The following PTRH1 variants were observed in gnomAD, a reference collection of about 807,000 sequenced individuals.
The protein encoded by PTRH1 is peptidyl-tRNA hydrolase 1 homolog.
In PTRH1, 13 loss-of-function variants were observed where a neutral mutation model predicts 15.7. The observed-to-expected ratio is 0.83, with a 90% CI of 0.54 to 1.31. PTRH1 has a LOEUF of 1.31. PTRH1 is among the 40% of genes most tolerant of loss of function. The pLI is 0.00. For missense variants in PTRH1, 319 were observed against 296.2 expected (o/e 1.08, Z -0.56); for synonymous variants, 139 against 136.7 (o/e 1.02, Z -0.12).
downstream of PTRH1, chr9:127,709,406 T>TCTGCCC: frequency 1.9e-6 from 3 of 1,611,044 alleles, no homozygotes; most frequent in Non-Finnish European, 2.5e-6. The surrounding 1 kb of genome is among the most constrained non-coding windows in gnomAD (Gnocchi z 4.7). Flanking sequence ...GGACCACGGC[T>TCTGCCC]CTGCCCCTGC....
chr9:127,707,314 G>A, intron 1 of PTRH1: 1 of 1,034,680 alleles, frequency 9.7e-7, no homozygotes, highest in Non-Finnish European at 1.4e-6. Flanking sequence ...GGGATGTCCA[G>A]ACCCCATCCC....
Position 127,715,105 on chromosome 9 carries a change from C to G in PTRH1, c.186G>C (p.Val62=), listed in dbSNP as rs1371708888. The change falls in exon 2 of 5, where the codon GTG becomes GTC. Residue 62 remains valine, a synonymous_variant. Transcript: ENST00000543175. This position sits in a 1 kb window ranked among gnomAD's most constrained non-coding sequence, Gnocchi z 5.8. The part of the protein sequence containing the change: ...VLGQLARRLG[V]AESWTRDRHC... ...GCCGGTCGCGCGTCCAACTCTCCGC[C>G]ACACCCAGCCGCCGCGCCAGCTGCC... 6.5e-7 allele frequency: 1 copy of G among 1,533,792 alleles called. No individual in the cohort carries two copies. The highest frequency in any genetic ancestry group is 8.7e-7 in the Non-Finnish European group (1 of 1,145,892).
chr9:127,703,601 G>A (rs530707182), intron 1 of PTRH1, among the ~76,000 whole-genome samples: 11 of 152,294 alleles, frequency 7.2e-5, no homozygotes, highest in African/African-American at 2.4e-4. Context: ...AGTCCCCTCG[G>A]CAGAGTGACA....
In PTRH1 at chr9:127,715,018, T is replaced by C; in HGVS notation, c.273A>G (p.Pro91=). The part of the protein sequence containing the change: ...LGDAQLVLLR[P]RRLMNANGRS... ...GCCCGTTGGCGTTCATAAGCCGCCG[T>C]GGCCGGAGCAGGACCAGTTGGGCAT... is the stretch of plus-strand genomic sequence containing the variant. Residue 91 remains proline, a synonymous_variant, in exon 2 of 5, where the codon CCA becomes CCG. Coordinates refer to ENST00000543175, the MANE Select transcript of PTRH1 (RefSeq NM_001002913.3). This position sits in a 1 kb window ranked among gnomAD's most constrained non-coding sequence, Gnocchi z 5.8. 1 of 1,419,402 alleles carries C rather than the reference T, an allele frequency of 7.0e-7. No homozygotes were observed. The highest frequency in any genetic ancestry group is 9.3e-7 in the Non-Finnish European group (1 of 1,079,272). 87.9% of individuals were successfully genotyped at this position (1,419,402 alleles called of 1,614,324 possible). A position where few individuals can be genotyped will look rare whatever the true frequency, so the allele number is the denominator to read the frequency against.
intron 2 of PTRH1, 32 bp from the exon 3 acceptor site, chr9:127,714,734 T>C (rs779499897): frequency 1.9e-6 from 3 of 1,543,780 alleles, no homozygotes; most frequent in Admixed American, 1.8e-5. Flanking sequence ...CCCTGGTTAC[T>C]GCCCATCTGC....
rs1421612735 is a variant in PTRH1 at position 127,707,100 on chromosome 9, G to A, written c.205+8335C>T. 3.7e-6 allele frequency: 6 copies of A among 1,613,846 alleles called. No individual in the cohort carries two copies. In the Admixed American group the frequency reaches 5.0e-5, roughly 13 times the overall value. ...AAGTCAAGAAGAAAGGGGGCAAGAA[G>A]GAGCCGGTGGTGGCCGTGGAGCCGC... is the stretch of plus-strand genomic sequence containing the variant. On this transcript the variant is annotated intron_variant, in intron 1 of 2. Coordinates refer to the PTRH1 transcript ENST00000335223.
rs1185521118 is a variant in PTRH1 at position 127,695,131 on chromosome 9, C to T, written c.216G>A (p.Trp72Ter). 1.4e-6 allele frequency: 1 copy of T among 697,200 alleles called. No individual in the cohort carries two copies. Among genetic ancestry groups the T allele is most frequent in the Non-Finnish European group, 2.6e-6 (1 of 380,782 alleles). The allele number at this position is 697,200 out of a possible 1,614,324, so 43.2% of individuals were successfully genotyped here. A position where few individuals can be genotyped will look rare whatever the true frequency, so the allele number is the denominator to read the frequency against. The change falls in exon 2 of 3, where the codon TGG (tryptophan) becomes TGA (stop). Residue 72 changes from tryptophan to a stop codon, truncating the protein, a stop_gained. Coordinates refer to the PTRH1 transcript ENST00000335223. LOFTEE classifies it high-confidence loss of function. ...GATGCTGCTGCTGTTGACGATGAGTCCAAGCCAAGCCTGGGGAGAAAAGAA... is the reference window on the plus strand; with the variant it reads ...GATGCTGCTGCTGTTGACGATGAGTTCAAGCCAAGCCTGGGGAGAAAAGAA...
Position 127,713,862 on chromosome 9 carries a change from T to C in PTRH1, c.*238A>G. On this transcript the variant is annotated 3_prime_UTR_variant, in exon 5 of 5. Transcript: ENST00000543175. ...CGTGCCCCTGGTTCTCTAAAAAGGC[T>C]TGAAAAGTTTAGTCTTCCTGAAGTT... 6.2e-7 allele frequency: 1 copy of C among 1,613,928 alleles called. No homozygotes were observed. Among genetic ancestry groups the C allele is most frequent in the Non-Finnish European group, 8.5e-7 (1 of 1,180,012 alleles).
chr9:127,711,492 A>G, downstream of PTRH1: 1 of 1,612,908 alleles, frequency 6.2e-7, no homozygotes, highest in South Asian at 1.1e-5. Flanking sequence ...AGAGGCCACC[A>G]GAAGGTGTGC....
rs752164335 is a variant in PTRH1 at position 127,714,129 on chromosome 9, G to T, written c.616C>A (p.Arg206=). The T allele has an allele frequency of 6.2e-7, 1 of 1,613,496 alleles. No individual in the cohort carries two copies. Among genetic ancestry groups the T allele is most frequent in the African/African-American group, 1.3e-5 (1 of 75,052 alleles). Reference sequence around the variant, plus strand: ...GGCCCCAGTGAGGGCCCCTGGCTTCGCTCACGGATGTGGTCCAAGATCAGG... The same window carrying T: ...GGCCCCAGTGAGGGCCCCTGGCTTCTCTCACGGATGTGGTCCAAGATCAGG... ...TDLILDHIRE[R]SQGPSLGP is the part of the protein sequence containing the mutation. The change falls in exon 5 of 5, where the codon CGA becomes AGA. Residue 206 remains arginine (R), a synonymous_variant. Transcript: ENST00000543175.
intron 1 of PTRH1, among the ~76,000 whole-genome samples, chr9:127,698,878 C>T (rs1351307488): frequency 6.6e-6 from 1 of 151,850 alleles, no homozygotes; most frequent in African/African-American, 2.4e-5. Flanking sequence ...CTGTCCCTGT[C>T]CCAGCAGCGG....
intron 1 of PTRH1, chr9:127,695,169 T>A (rs570581708): frequency 5.9e-6 from 4 of 675,270 alleles, no homozygotes; most frequent in Non-Finnish European, 1.1e-5. Context: ...AATAGTCTCA[T>A]AAATTTAAAA....
chr9:127,698,620 C>T (rs1188137991), intron 1 of PTRH1, among the ~76,000 whole-genome samples: 5 of 151,954 alleles, frequency 3.3e-5, no homozygotes, highest in Non-Finnish European at 1.5e-5. Flanking sequence ...AAGGCTGCAG[C>T]GAGCCATGAT....
intron 1 of PTRH1, among the ~76,000 whole-genome samples, chr9:127,698,921 T>C (rs2131576422): frequency 6.6e-6 from 1 of 151,490 alleles, no homozygotes; most frequent in Non-Finnish European, 1.5e-5. Context: ...TTTTTTTTTT[T>C]TTTTTGAGAC....
At chr9:127,700,971 A>G (rs1842599460) in intron 1 of PTRH1, among the ~76,000 whole-genome samples, 1 of 152,218 alleles carries the variant, frequency 6.6e-6, no homozygotes, top group Non-Finnish European at 1.5e-5. Context: ...AATAGGGCCT[A>G]ATTGTAATAT....
At chr9:127,702,518 CAG>C (rs1405834640) in intron 1 of PTRH1, among the ~76,000 whole-genome samples, 1 of 151,996 alleles carries the variant, frequency 6.6e-6, no homozygotes, top group Admixed American at 6.6e-5. Flanking sequence ...GCCTGGGAGA[CAG>C]AGTGAGACCC....
At chr9:127,697,386 G>A (rs1446872219) in intron 1 of PTRH1, among the ~76,000 whole-genome samples, 6 of 152,190 alleles carry the variant, frequency 3.9e-5, no homozygotes, top group African/African-American at 9.6e-5. Context: ...CTGGCCGGGC[G>A]TAGTGGCTCA....
At chr9:127,707,656 G>A (rs7848745) in intron 1 of PTRH1, among the ~76,000 whole-genome samples, 5,778 of 152,298 alleles carry the variant, frequency 0.038, 379 homozygotes, top group African/African-American at 0.13. Flanking sequence ...AATATAAGTG[G>A]GGAAGGTTGA....
intron 1 of PTRH1, among the ~76,000 whole-genome samples, chr9:127,707,924 G>C (rs7849125): frequency 6.6e-6 from 1 of 152,112 alleles, no homozygotes; most frequent in Non-Finnish European, 1.5e-5. Flanking sequence ...GTCCCTCGTG[G>C]TGCCAGGCAG....
Sources: allele counts gnomAD v4.1 joint callset (sites outside exome capture counted in the v4.1 genomes callset), GRCh38; gene constraint gnomAD v4.1.1; non-coding constraint Gnocchi (gnomAD v3.1); transcripts MANE v1.5; gene names NCBI Gene and HGNC (gene_info 2026-07-23, HGNC 2026-07-21).